The following PTCHD4 variants were observed in gnomAD, a reference collection of about 807,000 sequenced individuals.
PTCHD4 encodes the protein patched domain containing 4, also known as patched domain-containing protein 4.
Under a neutral mutation model 58.1 loss-of-function variants are expected in PTCHD4, and 33 were observed. That is an observed-to-expected ratio of 0.57 (90% CI 0.43 to 0.76). The LOEUF (loss-of-function observed/expected upper bound fraction) is 0.76, where lower values mean the gene tolerates loss of function less well. Among genes scored for constraint, PTCHD4 ranks in the 30% least tolerant of loss-of-function variants. The probability of loss-of-function intolerance (pLI) is 0.00; values close to 1 mark genes in which losing one functional copy is unlikely to be tolerated. For synonymous variants in PTCHD4, 478 were observed against 409.6 expected (o/e 1.17, Z -2.02); for missense variants, 1,058 against 1,027.1 (o/e 1.03, Z -0.41).
At chr6:47,883,401 A>AGTT (rs924297157) in intron 4 of PTCHD4, among the ~76,000 whole-genome samples, 10 of 152,164 alleles carry the variant, frequency 6.6e-5, no homozygotes, top group African/African-American at 2.4e-4. Context: ...TGTCAGAGTG[A>AGTT]GTTTTCTTTT....
At chr6:47,905,401 GT>G (rs1764846893) in intron 4 of PTCHD4, among the ~76,000 whole-genome samples, 1 of 152,134 alleles carries the variant, frequency 6.6e-6, no homozygotes, top group African/African-American at 2.4e-5. Context: ...TGGGTCTATG[GT>G]TTAATTCAGC....
Position 48,107,363 on chromosome 6 carries a change from T to C in PTCHD4, c.-970+3686A>G, listed in dbSNP as rs554410059. Among the ~76,000 whole-genome samples the C allele has an allele frequency of 6.4e-3, 974 of 152,330 alleles. 6 individuals carry two copies. Among genetic ancestry groups the C allele is most frequent in the Non-Finnish European group, 0.01 (704 of 68,028 alleles). ...CAAGCAATGGGGAAAGGATTCCCTA[T>C]TTAATAAATGCTGCTGGGAAAACTG... On this transcript the variant is annotated intron_variant, in intron 1 of 4. Coordinates refer to ENST00000339488, the MANE Select transcript of PTCHD4 (RefSeq NM_001384253.1).
At chr6:48,077,859 C>T (rs1464548886) in intron 1 of PTCHD4, among the ~76,000 whole-genome samples, 2 of 152,012 alleles carry the variant, frequency 1.3e-5, no homozygotes, top group Non-Finnish European at 2.9e-5. Flanking sequence ...GTTTAAGGCA[C>T]CCCAAAACAA....
At chr6:47,984,407 CATG>C (rs1379909286) in intron 4 of PTCHD4, among the ~76,000 whole-genome samples, 9 of 152,070 alleles carry the variant, frequency 5.9e-5, no homozygotes, top group Non-Finnish European at 1.0e-4. Context: ...CATCAGATCT[CATG>C]AGAACTCAAT....
intron 1 of PTCHD4, among the ~76,000 whole-genome samples, chr6:48,086,611 C>T (rs1582125877): frequency 6.6e-6 from 1 of 152,036 alleles, no homozygotes; most frequent in Middle Eastern, 3.4e-3. Flanking sequence ...CAGAGCAAGT[C>T]TGCTTACAAA....
chr6:48,105,604 C>A (rs957822768), intron 1 of PTCHD4, among the ~76,000 whole-genome samples: 1 of 151,946 alleles, frequency 6.6e-6, no homozygotes, highest in African/African-American at 2.4e-5. Flanking sequence ...AAGATCAGAG[C>A]AGAACTGAAG....
intron 1 of PTCHD4, among the ~76,000 whole-genome samples, chr6:48,105,208 C>T (rs1260842786): frequency 6.6e-6 from 1 of 151,864 alleles, no homozygotes; most frequent in African/African-American, 2.4e-5. Flanking sequence ...GGAAGTAAAC[C>T]ACTCCTCAGC....
Position 48,090,925 on chromosome 6 carries a change from TG to T in PTCHD4, c.-970+20123del, listed in dbSNP as rs1262965842. Among the ~76,000 whole-genome samples the T allele has an allele frequency of 3.9e-5, 6 of 152,362 alleles. 1 individual carries two copies. The highest frequency in any genetic ancestry group is 3.9e-4 in the Admixed American group (6 of 15,306). Reference sequence around the variant, plus strand: ...TCCATTTTTTTACAACTTTAATTTGTGGCAAAGTTTTCAGTTTCACACTTAC... The same window carrying T: ...TCCATTTTTTTACAACTTTAATTTGTGCAAAGTTTTCAGTTTCACACTTAC... On this transcript the variant is annotated intron_variant, in intron 1 of 4. Coordinates refer to ENST00000339488, the MANE Select transcript of PTCHD4 (RefSeq NM_001384253.1).
intron 4 of PTCHD4, among the ~76,000 whole-genome samples, chr6:47,941,985 G>A (rs1328014489): frequency 6.6e-6 from 1 of 152,152 alleles, no homozygotes; most frequent in Non-Finnish European, 1.5e-5. Context: ...TGTGAATCTA[G>A]CAGTCACATT....
intron 4 of PTCHD4, among the ~76,000 whole-genome samples, chr6:47,902,896 G>A (rs570499434): frequency 3.9e-5 from 6 of 152,256 alleles, no homozygotes; most frequent in Non-Finnish European, 8.8e-5. Flanking sequence ...TTGTCTTGGA[G>A]CTCTCTAAAA....
rs138822039 is a variant in PTCHD4 at position 48,032,162 on chromosome 6, G to A, written c.418-23048C>T. 4.2e-4 allele frequency among the ~76,000 whole-genome samples: 64 copies of A among 151,572 alleles called. 1 individual carries two copies. The Middle Eastern group carries it at 0.021, about 49-fold the overall frequency. On this transcript the variant is annotated intron_variant, in intron 3 of 4. Coordinates refer to ENST00000339488, the MANE Select transcript of PTCHD4 (RefSeq NM_001384253.1). Reference sequence around the variant, plus strand: ...GATATTAAAAACTAGTTAAAAGAAAGTGTGTATGAAAAAAAAACATTCTTC... The same window carrying A: ...GATATTAAAAACTAGTTAAAAGAAAATGTGTATGAAAAAAAAACATTCTTC...
In PTCHD4 at chr6:47,872,470, G is replaced by T. The variant is rs1296094528; in HGVS notation, c.*5833C>A. ...GGAAACCAGAGCTCAGCTACAAATG[G>T]CTTCTAAAAACCTCAGCTCAGATAA... On this transcript the variant is annotated 3_prime_UTR_variant, in exon 5 of 5. Transcript: ENST00000339488. Among the ~76,000 whole-genome samples the T allele has an allele frequency of 6.6e-6, 1 of 151,566 alleles. No homozygotes were observed.
At chr6:47,925,484 G>C (rs1332746510) in intron 4 of PTCHD4, among the ~76,000 whole-genome samples, 1 of 152,146 alleles carries the variant, frequency 6.6e-6, no homozygotes, top group East Asian at 1.9e-4. Flanking sequence ...GACCATAAAA[G>C]TTCTTCTCTC....
At chr6:47,993,711 C>G (rs1486529942) in intron 4 of PTCHD4, among the ~76,000 whole-genome samples, 1 of 152,166 alleles carries the variant, frequency 6.6e-6, no homozygotes, top group South Asian at 2.1e-4. Context: ...TGAATTAAAA[C>G]AAGTGGATGG....
rs1161593172 is a variant in PTCHD4 at position 47,984,719 on chromosome 6, G to A, written c.898+23915C>T. ...GTTTCAGAAGATAATGCCCCAGAAA[G>A]AAAAATAAATATTAATATTATAAAA... On this transcript the variant is annotated intron_variant, in intron 4 of 4. Transcript: ENST00000339488. Among the ~76,000 whole-genome samples, 4 of 151,720 alleles carry A rather than the reference G, an allele frequency of 2.6e-5. No individual in the cohort carries two copies. The South Asian group carries it at 8.3e-4, about 32-fold the overall frequency.
At chr6:48,079,248 A>G (rs16877036) in intron 1 of PTCHD4, among the ~76,000 whole-genome samples, 5 of 151,970 alleles carry the variant, frequency 3.3e-5, no homozygotes, top group Non-Finnish European at 7.4e-5. Flanking sequence ...CTTATTAAGG[A>G]TGAGTTTCTC....
At chr6:48,017,221 T>A (rs192768892) in intron 3 of PTCHD4, among the ~76,000 whole-genome samples, 5 of 152,304 alleles carry the variant, frequency 3.3e-5, no homozygotes, top group Non-Finnish European at 7.4e-5. Flanking sequence ...TTGGTTATCT[T>A]TATTTTCCAC....
At chr6:47,936,119 G>T (rs1488667895) in intron 4 of PTCHD4, among the ~76,000 whole-genome samples, 1 of 152,154 alleles carries the variant, frequency 6.6e-6, no homozygotes, top group African/African-American at 2.4e-5. Flanking sequence ...TTCAGGGTGA[G>T]GTGGAGAAAA....
chr6:48,084,642 G>A (rs1765228064), intron 1 of PTCHD4, among the ~76,000 whole-genome samples: 1 of 151,810 alleles, frequency 6.6e-6, no homozygotes, highest in Admixed American at 6.6e-5. Context: ...TGTTCTTTAA[G>A]AAACACTTTT....
Sources: gnomAD v4.1 joint callset for allele counts (sites outside exome capture counted in the v4.1 genomes callset) on GRCh38, gnomAD v4.1.1 for gene constraint, MANE v1.5 for transcripts, NCBI Gene and HGNC (gene_info 2026-07-23, HGNC 2026-07-21) for gene names.